Variants in GALNTL6 observed in about 807,000 individuals in gnomAD.
The protein encoded by GALNTL6 is polypeptide N-acetylgalactosaminyltransferase like 6.
In GALNTL6, 46 loss-of-function variants were observed where a neutral mutation model predicts 73.7. The ratio of observed to expected loss-of-function variants is 0.62; its 90% CI spans 0.49 to 0.80. The LOEUF (loss-of-function observed/expected upper bound fraction) is 0.80, where lower values mean the gene tolerates loss of function less well. GALNTL6 is among the 30% of genes least tolerant of loss of function. The probability of loss-of-function intolerance (pLI) is 0.00; values close to 1 mark genes in which losing one functional copy is unlikely to be tolerated. For missense variants in GALNTL6, 604 were observed against 755.0 expected (o/e 0.80, Z 2.34); for synonymous variants, 259 against 263.7 (o/e 0.98, Z 0.17).
intron 2 of GALNTL6, among the ~76,000 whole-genome samples, chr4:172,079,029 A>T (rs1175109144): frequency 2.6e-5 from 4 of 152,110 alleles, no homozygotes; most frequent in Non-Finnish European, 5.9e-5. Context: ...TTATGCACAC[A>T]TGTATGCATG....
intron 5 of GALNTL6, among the ~76,000 whole-genome samples, chr4:172,752,264 G>A (rs901625094): frequency 3.3e-5 from 5 of 151,808 alleles, no homozygotes; most frequent in Non-Finnish European, 7.4e-5. Flanking sequence ...AATGCTTGTG[G>A]GCTTTTTAAA....
chr4:172,073,154 T>G (rs1731596586), intron 2 of GALNTL6, among the ~76,000 whole-genome samples: 1 of 152,178 alleles, frequency 6.6e-6, no homozygotes, highest in Admixed American at 6.5e-5. Flanking sequence ...CTTCTTTAGG[T>G]TTATACTTAA....
chr4:172,249,202 G>T (rs558960307), intron 3 of GALNTL6, among the ~76,000 whole-genome samples: 1 of 152,176 alleles, frequency 6.6e-6, no homozygotes, highest in Non-Finnish European at 1.5e-5. Context: ...CTCATATGGA[G>T]ATGAGGAACT....
intron 5 of GALNTL6, among the ~76,000 whole-genome samples, chr4:172,527,467 T>C (rs1208484005): frequency 6.6e-6 from 1 of 152,236 alleles, no homozygotes; most frequent in Non-Finnish European, 1.5e-5. Flanking sequence ...AGGAGAAGAC[T>C]GTAGATGCTT....
Position 172,437,838 on chromosome 4 carries a change from C to G in GALNTL6, c.553+89149C>G, listed in dbSNP as rs1731688589. Among the ~76,000 whole-genome samples, 4 of 151,922 alleles carry G rather than the reference C, an allele frequency of 2.6e-5. No individual in the cohort carries two copies. The South Asian group carries it at 8.3e-4, about 32-fold the overall frequency. On this transcript the variant is annotated intron_variant, in intron 5 of 12. Coordinates refer to ENST00000506823, the MANE Select transcript of GALNTL6 (RefSeq NM_001034845.3). ...CCTCTGCTGATTGACCGTCTGAGTC[C>G]CAGAATTTTTATTAAACACCTCTGT...
chr4:172,628,508 G>C (rs1579259393), intron 5 of GALNTL6, among the ~76,000 whole-genome samples: 1 of 152,086 alleles, frequency 6.6e-6, no homozygotes, highest in African/African-American at 2.4e-5. Flanking sequence ...GAGGTGGGTA[G>C]ATCTCTTGAG....
intron 2 of GALNTL6, among the ~76,000 whole-genome samples, chr4:171,951,871 C>T (rs1312862291): frequency 6.6e-6 from 1 of 151,960 alleles, no homozygotes; most frequent in Non-Finnish European, 1.5e-5. Flanking sequence ...AATTTAGAAG[C>T]TAGTTTGTAA....
At chr4:171,984,145 C>A (rs965013236) in intron 2 of GALNTL6, among the ~76,000 whole-genome samples, 2 of 152,078 alleles carry the variant, frequency 1.3e-5, no homozygotes, top group African/African-American at 2.4e-5. Flanking sequence ...ATGGCAGGCC[C>A]GTGGGAAGGA....
intron 2 of GALNTL6, among the ~76,000 whole-genome samples, chr4:171,930,138 A>G (rs1036950800): frequency 1.2e-4 from 18 of 152,254 alleles, no homozygotes; most frequent in Non-Finnish European, 2.1e-4. Flanking sequence ...CCCTACAGCC[A>G]GTTGGCTGGT....
At chr4:172,255,730 T>C (rs574885338) in intron 3 of GALNTL6, among the ~76,000 whole-genome samples, 2 of 151,600 alleles carry the variant, frequency 1.3e-5, no homozygotes, top group South Asian at 4.1e-4. Context: ...CTACGGATTG[T>C]TTTTACTTAA....
intron 5 of GALNTL6, among the ~76,000 whole-genome samples, chr4:172,737,798 TGC>T (rs1306221421): frequency 3.3e-5 from 5 of 152,230 alleles, no homozygotes; most frequent in Non-Finnish European, 5.9e-5. Flanking sequence ...AGTGGATTGC[TGC>T]CTCCTTTTCA....
intron 5 of GALNTL6, among the ~76,000 whole-genome samples, chr4:172,533,008 T>G (rs939875387): frequency 1.4e-5 from 2 of 139,662 alleles, no homozygotes; most frequent in African/African-American, 5.1e-5. Flanking sequence ...ATTACATTTT[T>G]GTAGAATTTT....
chr4:172,715,157 A>G (rs1734989799), intron 5 of GALNTL6, among the ~76,000 whole-genome samples: 1 of 152,156 alleles, frequency 6.6e-6, no homozygotes, highest in African/African-American at 2.4e-5. Flanking sequence ...GGTCTCTACT[A>G]TGATTTAGAC....
intron 5 of GALNTL6, among the ~76,000 whole-genome samples, chr4:172,674,135 A>G (rs1032331316): frequency 2.0e-5 from 3 of 152,200 alleles, no homozygotes; most frequent in Non-Finnish European, 4.4e-5. Flanking sequence ...TGCTTCCTTC[A>G]GTAGCTCCTG....
intron 2 of GALNTL6, among the ~76,000 whole-genome samples, chr4:171,908,684 C>T (rs1010278181): frequency 2.0e-5 from 3 of 150,800 alleles, no homozygotes; most frequent in Non-Finnish European, 4.4e-5. Flanking sequence ...GCTATAAAGA[C>T]ACATGAACAC....
intron 2 of GALNTL6, among the ~76,000 whole-genome samples, chr4:172,051,811 C>T (rs1002058446): frequency 2.6e-5 from 4 of 152,134 alleles, no homozygotes; most frequent in African/African-American, 9.7e-5. Flanking sequence ...TGCCAGGGAA[C>T]CACCCTCTTG....
chr4:172,170,957 T>C (rs577128638), intron 2 of GALNTL6, among the ~76,000 whole-genome samples: 2 of 152,360 alleles, frequency 1.3e-5, no homozygotes, highest in South Asian at 4.1e-4. Flanking sequence ...TCAGATTCTT[T>C]TCCTTTTTCT....
In GALNTL6 at chr4:172,624,220, G is replaced by A. The variant is rs533746543; in HGVS notation, c.554-185141G>A. ...CTTTGGACCCAAAATTGAGTTGTAT[G>A]ATCAAATGCAGAACTTAACAGGAGT... On this transcript the variant is annotated intron_variant, in intron 5 of 12. Coordinates refer to ENST00000506823, the MANE Select transcript of GALNTL6 (RefSeq NM_001034845.3). 9.2e-5 allele frequency among the ~76,000 whole-genome samples: 14 copies of A among 152,112 alleles called. No homozygotes were observed. In the South Asian group the frequency reaches 2.9e-3, roughly 32 times the overall value.
At chr4:171,840,869 TGG>T (rs1396902988) in intron 2 of GALNTL6, among the ~76,000 whole-genome samples, 1 of 152,124 alleles carries the variant, frequency 6.6e-6, no homozygotes, top group African/African-American at 2.4e-5. Flanking sequence ...TCTCCCCCAT[TGG>T]AAAATTGGAC....
Sources: gnomAD v4.1 joint callset for allele counts (sites outside exome capture counted in the v4.1 genomes callset) on GRCh38, gnomAD v4.1.1 for gene constraint, MANE v1.5 for transcripts, NCBI Gene and HGNC (gene_info 2026-07-23, HGNC 2026-07-21) for gene names.